Variants in PCM1 observed in about 807,000 individuals in gnomAD.
PCM1 encodes the protein pericentriolar material 1.
A neutral mutation model predicts 241.9 loss-of-function variants in PCM1; 157 were observed. The observed-to-expected ratio is 0.65, with a 90% CI of 0.57 to 0.74. The LOEUF is 0.74. Ranked by LOEUF, PCM1 falls within the 30% of genes least tolerant of loss-of-function variation. PCM1 has a pLI of 0.00. For synonymous variants in PCM1, 1,085 were observed against 784.9 expected, an observed-to-expected ratio of 1.38 and a Z score of -6.39; for missense variants, 3,478 against 2,360.1, an observed-to-expected ratio of 1.47 and a Z score of -9.81.
intron 23 of PCM1, 117 bp from the exon 24 acceptor site, chr8:17,980,474 C>G (rs2080325160): frequency 2.8e-6 from 2 of 719,896 alleles, no homozygotes; most frequent in African/African-American, 3.6e-5. Flanking sequence ...TCTATTTATA[C>G]CAGGCCTTCC....
intron 28 of PCM1, among the ~76,000 whole-genome samples, chr8:17,992,733 C>T (rs1220013391): frequency 6.6e-6 from 1 of 151,550 alleles, no homozygotes; most frequent in Non-Finnish European, 1.5e-5. Flanking sequence ...TCTCATGCCT[C>T]AGCCTCCCGA....
intron 28 of PCM1, among the ~76,000 whole-genome samples, chr8:17,992,433 C>T (rs532790171): frequency 3.9e-5 from 6 of 152,134 alleles, no homozygotes; most frequent in East Asian, 1.9e-4. Context: ...TTTTAAATTA[C>T]GGCCATTCTT....
At chr8:17,944,301 C>G (rs890076238) in intron 6 of PCM1, among the ~76,000 whole-genome samples, 2 of 152,134 alleles carry the variant, frequency 1.3e-5, no homozygotes, top group Non-Finnish European at 2.9e-5. Context: ...GCCTAAGAAC[C>G]TGATTTCCCT....
At chr8:18,023,606 TTAA>T (rs1251933180) in intron 36 of PCM1, among the ~76,000 whole-genome samples, 2 of 152,216 alleles carry the variant, frequency 1.3e-5, no homozygotes, top group African/African-American at 4.8e-5. Flanking sequence ...TTAAAAGATC[TTAA>T]TAAATCAGAA....
chr8:17,939,698 G>T lies in PCM1; in HGVS notation c.620G>T (p.Ser207Ile). The T allele has an allele frequency of 6.6e-7, 1 of 1,524,786 alleles. No homozygotes were observed. 94.5% of individuals were successfully genotyped at this position (1,524,786 alleles called of 1,614,324 possible). Residue 207 changes from serine (S) to isoleucine (I), a missense_variant, in exon 6 of 39, where the codon AGC becomes ATC. Transcript: ENST00000325083. ...EPAMESSQIV[S>I]RLVQIRDYIT... The stretch of plus-strand genomic sequence containing the variant: ...AAAATATTTCCCCTGCAGATTGTAA[G>T]CAGGCTTGTTCAAATTCGCGATTAT...
intron 7 of PCM1, among the ~76,000 whole-genome samples, chr8:17,949,407 T>G (rs1385045978): frequency 1.3e-5 from 2 of 152,174 alleles, no homozygotes; most frequent in African/African-American, 4.8e-5. Flanking sequence ...TAGGATTCTA[T>G]ATAGCCTTGA....
intron 26 of PCM1, among the ~76,000 whole-genome samples, chr8:17,987,041 C>G (rs2082843831): frequency 6.6e-6 from 1 of 151,756 alleles, no homozygotes; most frequent in Non-Finnish European, 1.5e-5. Flanking sequence ...AAAATAATAA[C>G]TTCCCCAGCT....
rs138478423 is a variant in PCM1 at position 17,956,547 on chromosome 8, CTG to C, written c.1473-55_1473-54del. The C allele has an allele frequency of 2.0e-3, 2,050 of 1,024,002 alleles. 25 individuals carry two copies. The African/African-American group carries it at 0.027, about 13-fold the overall frequency. The allele number at this position is 1,024,002 out of a possible 1,614,324, so 63.4% of individuals were successfully genotyped here. A position where few individuals can be genotyped will look rare whatever the true frequency, so the allele number is the denominator to read the frequency against. ...AGCTGCTATGATATGAAAATAATGT[CTG>C]TATTATTTTGCTAAAATGGGTGTAA... is the stretch of plus-strand genomic sequence containing the variant. On this transcript the variant is annotated intron_variant, in intron 10 of 38. Transcript: ENST00000325083.
intron 24 of PCM1, among the ~76,000 whole-genome samples, chr8:17,981,714 T>C (rs1410879446): frequency 6.6e-6 from 1 of 152,214 alleles, no homozygotes; most frequent in Non-Finnish European, 1.5e-5. Flanking sequence ...AGCCTCATAA[T>C]GCTGAGTTGG....
intron 36 of PCM1, among the ~76,000 whole-genome samples, chr8:18,021,794 A>G (rs2093775229): frequency 6.6e-6 from 1 of 152,210 alleles, no homozygotes; most frequent in South Asian, 2.1e-4. Flanking sequence ...CCCTACAGAA[A>G]AACACAAATT....
intron 30 of PCM1, among the ~76,000 whole-genome samples, chr8:18,007,484 A>T (rs1287459388): frequency 6.6e-6 from 1 of 152,202 alleles, no homozygotes; most frequent in East Asian, 1.9e-4. Context: ...CTGAAAGAGA[A>T]ATTATAATTT....
Position 17,986,021 on chromosome 8 carries a change from C to T in PCM1, c.4344C>T (p.Asn1448=), listed in dbSNP as rs367755502. The T allele has an allele frequency of 1.0e-4, 167 of 1,597,746 alleles. 5 individuals carry two copies. In the Middle Eastern group the frequency reaches 9.8e-3, roughly 93 times the overall value. ...HEKGENVKSV[N]SGTWIASNSE... is the part of the protein sequence containing the mutation. The stretch of plus-strand genomic sequence containing the variant: ...AAGGAGAAAATGTAAAGTCAGTAAA[C>T]TCTGGTACTTGGATAGCATCAAACT... The change falls in exon 26 of 39, where the codon AAC becomes AAT. Residue 1448 remains asparagine, a synonymous_variant. Transcript: ENST00000325083.
At chr8:17,996,278 A>C (rs568370607) in intron 29 of PCM1, among the ~76,000 whole-genome samples, 1 of 152,298 alleles carries the variant, frequency 6.6e-6, no homozygotes, top group African/African-American at 2.4e-5. Context: ...GTTTTTCAGC[A>C]TCAGTTAAAA....
chr8:17,955,541 G>T lies in PCM1; in HGVS notation c.1360G>T (p.Val454Phe), dbSNP rs1362691119. The T allele has an allele frequency of 1.9e-6, 3 of 1,613,572 alleles. No individual in the cohort carries two copies. The African/African-American group carries it at 4.0e-5, about 22-fold the overall frequency. The change falls in exon 10 of 39, where the codon GTC becomes TTC. Residue 454 changes from valine (V) to phenylalanine (F), a missense_variant. Coordinates refer to ENST00000325083, the MANE Select transcript of PCM1 (RefSeq NM_006197.4). ...PSASVGLAPVVNGESNSLTSS... is the reference protein window; with the variant it reads ...PSASVGLAPVFNGESNSLTSS... The stretch of plus-strand genomic sequence containing the variant: ...TGCTTCTGTAGGCTTGGCACCGGTT[G>T]TCAATGGAGAATCCAATAGCCTCAC...
intron 4 of PCM1, among the ~76,000 whole-genome samples, chr8:17,938,101 G>A (rs965587090): frequency 7.2e-5 from 11 of 152,046 alleles, no homozygotes; most frequent in African/African-American, 2.2e-4. Context: ...GTAATAAAAA[G>A]CAATATGAGT....
intron 2 of PCM1, among the ~76,000 whole-genome samples, chr8:17,929,822 A>T (rs535132533): frequency 6.6e-6 from 1 of 152,308 alleles, no homozygotes; most frequent in South Asian, 2.1e-4. Context: ...TAATTTATAG[A>T]TTAGGCTCAG....
At chr8:17,981,864 T>A (rs1244345742) in intron 24 of PCM1, among the ~76,000 whole-genome samples, 2 of 151,020 alleles carry the variant, frequency 1.3e-5, no homozygotes, top group African/African-American at 4.9e-5. Flanking sequence ...CTTAATCCAG[T>A]AATTGTACTT....
Position 17,953,113 on chromosome 8 carries a change from A to G in PCM1, c.1215A>G (p.Glu405=). 6.3e-7 allele frequency: 1 copy of G among 1,597,396 alleles called. No homozygotes were observed. Among genetic ancestry groups the G allele is most frequent in the Non-Finnish European group, 8.5e-7 (1 of 1,171,130 alleles). The part of the protein sequence containing the change: ...ELFSKMRVLQ[E]KKQKMDKLLG... Reference sequence around the variant, plus strand: ...TTAGCAAAATGAGAGTGCTACAGGAAAAGAAACAAAAAATGGACAAATTGC... The same window carrying G: ...TTAGCAAAATGAGAGTGCTACAGGAGAAGAAACAAAAAATGGACAAATTGC... The change falls in exon 9 of 39, where the codon GAA becomes GAG. Residue 405 remains glutamate, a synonymous_variant. Coordinates refer to ENST00000325083, the MANE Select transcript of PCM1 (RefSeq NM_006197.4).
chr8:18,009,704 A>T lies in PCM1; in HGVS notation c.5120A>T (p.Lys1707Ile). 1 of 1,511,800 alleles carries T rather than the reference A, an allele frequency of 6.6e-7. No individual in the cohort carries two copies. 93.6% of individuals were successfully genotyped at this position (1,511,800 alleles called of 1,614,324 possible). A position where few individuals can be genotyped will look rare whatever the true frequency, so the allele number is the denominator to read the frequency against. The change falls in exon 31 of 39, where the codon AAA becomes ATA. Residue 1707 changes from lysine to isoleucine, a missense_variant. Lys to Ile is a moderately radical substitution (Grantham distance 102). Coordinates refer to ENST00000325083, the MANE Select transcript of PCM1 (RefSeq NM_006197.4). Reference protein sequence around the residue: ...SITVKQRCKRKIEATGVIQSC... With the variant: ...SITVKQRCKRIIEATGVIQSC... Reference sequence around the variant, plus strand: ...ACTGTTAAACAGAGATGCAAAAGGAAAATAGAAGCAACTGGAGTGATACAA... The same window carrying T: ...ACTGTTAAACAGAGATGCAAAAGGATAATAGAAGCAACTGGAGTGATACAA...
Sources: allele counts gnomAD v4.1 joint callset (sites outside exome capture counted in the v4.1 genomes callset), GRCh38; gene constraint gnomAD v4.1.1; transcripts MANE v1.5; gene names NCBI Gene and HGNC (gene_info 2026-07-23, HGNC 2026-07-21).